NVL: variants seen among roughly 807,000 people sequenced by gnomAD.
NVL encodes nuclear VCP like, also known as nuclear valosin-containing protein-like.
In NVL, 84 loss-of-function variants were observed where a neutral mutation model predicts 110.2. That is an observed-to-expected ratio of 0.76 (90% CI 0.64 to 0.91). The LOEUF (loss-of-function observed/expected upper bound fraction) is 0.91. Among genes scored for constraint, NVL ranks in the 40% least tolerant of loss-of-function variants. The pLI is 0.00. For synonymous variants in NVL, 354 were observed against 361.1 expected, an observed-to-expected ratio of 0.98 and a Z score of 0.22; for missense variants, 882 against 1,035.9, an observed-to-expected ratio of 0.85 and a Z score of 2.04.
intron 17 of NVL, among the ~76,000 whole-genome samples, chr1:224,273,440 G>A (rs1001797053): frequency 5.3e-5 from 8 of 151,832 alleles, no homozygotes; most frequent in African/African-American, 1.9e-4. Context: ...AGAAATGTAC[G>A]GCAGTAGACA....
At chr1:224,278,335 C>G (rs1182409918) in intron 16 of NVL, among the ~76,000 whole-genome samples, 1 of 144,088 alleles carries the variant, frequency 6.9e-6, no homozygotes, top group Non-Finnish European at 1.5e-5. Flanking sequence ...TGAGTTCAAA[C>G]AATTCTCCTG....
At chr1:224,293,139 G>A (rs557389677) in intron 12 of NVL, among the ~76,000 whole-genome samples, 66 of 149,562 alleles carry the variant, frequency 4.4e-4, no homozygotes, top group African/African-American at 1.5e-3. Flanking sequence ...GCGCCATCTC[G>A]GCTCACTGCA....
chr1:224,289,565 C>T lies in NVL; in HGVS notation c.1494G>A (p.Lys498=). 2 of 1,614,246 alleles carry T rather than the reference C, an allele frequency of 1.2e-6. No individual in the cohort carries two copies. The highest frequency in any genetic ancestry group is 1.7e-6 in the Non-Finnish European group (2 of 1,180,042). The change falls in exon 13 of 23, where the codon AAG becomes AAA. Residue 498 remains lysine, a synonymous_variant. Transcript: ENST00000281701. Reference sequence around the variant, plus strand: ...GCAAATCTTCCATTTCAGGATTTTTCTTCTGCTGTTCCTGTAGCTTCATTA... The same window carrying T: ...GCAAATCTTCCATTTCAGGATTTTTTTTCTGCTGTTCCTGTAGCTTCATTA... ...RVLMKLQEQQ[K]KNPEMEDLPS...
intron 18 of NVL, among the ~76,000 whole-genome samples, chr1:224,253,731 CA>C (rs770232348): frequency 0.022 from 1,254 of 55,794 alleles, 16 homozygotes; most frequent in African/African-American, 0.076. Flanking sequence ...GGCTCGGTCT[CA>C]AAAAAAAAAA....
chr1:224,301,710 G>T, intron 9 of NVL: 2 of 342,300 alleles, frequency 5.8e-6, no homozygotes, highest in South Asian at 2.1e-5. Context: ...TGAGGCAGGA[G>T]GATCATTTGA....
At chr1:224,251,271 CAAAAAAAA>C (rs35538758) in intron 18 of NVL, among the ~76,000 whole-genome samples, 2 of 62,172 alleles carry the variant, frequency 3.2e-5, no homozygotes, top group African/African-American at 7.5e-5. Context: ...GATACTGTCT[CAAAAAAAA>C]AAAAAAAAAA....
At chr1:224,285,328 G>C (rs1571947148) in intron 15 of NVL, among the ~76,000 whole-genome samples, 1 of 152,084 alleles carries the variant, frequency 6.6e-6, no homozygotes, top group South Asian at 2.1e-4. Flanking sequence ...CCAGCTACTC[G>C]GGAGGCTGAG....
intron 19 of NVL, among the ~76,000 whole-genome samples, chr1:224,238,504 C>G (rs1417786370): frequency 6.6e-6 from 1 of 152,186 alleles, no homozygotes; most frequent in Non-Finnish European, 1.5e-5. Context: ...TGTTCAAGAA[C>G]TGCATAAATT....
intron 2 of NVL, among the ~76,000 whole-genome samples, chr1:224,325,831 G>T (rs1671091095): frequency 6.6e-6 from 1 of 152,182 alleles, no homozygotes. Context: ...CTGTCACTGA[G>T]GTTAGAGTGC....
At chr1:224,257,118 T>A (rs765329849) in intron 18 of NVL, 1 of 527,990 alleles carries the variant, frequency 1.9e-6, no homozygotes, top group South Asian at 1.4e-5. Context: ...GACAGAATTC[T>A]TAGGTAGAAG....
chr1:224,316,069 C>T (rs942711647), intron 4 of NVL, among the ~76,000 whole-genome samples: 2 of 152,006 alleles, frequency 1.3e-5, no homozygotes, highest in Non-Finnish European at 2.9e-5. Flanking sequence ...GTAGCATGCA[C>T]CCGTATGGGA....
In NVL at chr1:224,305,083, T is replaced by G; in HGVS notation, c.699A>C (p.Glu233Asp). Residue 233 changes from glutamate to aspartate, a missense_variant, in exon 7 of 23, where the codon GAA (glutamate) becomes GAC (aspartate). Transcript: ENST00000281701. ...LKNKGSKRKK[E>D]DLQEVDGEIE... ...TTTCTCCATCTACTTCCTGAAGATC[T>G]TCTTTCTTCCTTTTGCTTCCTTTAT... 6.2e-7 allele frequency: 1 copy of G among 1,613,916 alleles called. No homozygotes were observed. Among genetic ancestry groups the G allele is most frequent in the Middle Eastern group, 1.6e-4 (1 of 6,062 alleles).
intron 8 of NVL, among the ~76,000 whole-genome samples, chr1:224,304,168 T>G (rs1668684627): frequency 6.6e-6 from 1 of 152,198 alleles, no homozygotes; most frequent in African/African-American, 2.4e-5. Context: ...GGCTCACGCC[T>G]GTAATCCCAG....
chr1:224,278,935 C>T (rs1666045709), intron 16 of NVL, among the ~76,000 whole-genome samples: 1 of 151,922 alleles, frequency 6.6e-6, no homozygotes, highest in African/African-American at 2.4e-5. Context: ...ACTATGTTGC[C>T]CATGCTGGTC....
intron 16 of NVL, 36 bp from the exon 17 acceptor site, chr1:224,275,494 G>T (rs1331447597): frequency 6.2e-7 from 1 of 1,612,966 alleles, no homozygotes. Context: ...AATACCAACA[G>T]TTCAACTTTG....
intron 2 of NVL, among the ~76,000 whole-genome samples, chr1:224,325,852 C>T (rs1671093273): frequency 6.6e-6 from 1 of 152,080 alleles, no homozygotes; most frequent in East Asian, 1.9e-4. Flanking sequence ...AGTGGCGTGA[C>T]CACAGCTCAC....
At chr1:224,300,020 A>G (rs1668246600) in intron 10 of NVL, among the ~76,000 whole-genome samples, 1 of 152,220 alleles carries the variant, frequency 6.6e-6, no homozygotes, top group Non-Finnish European at 1.5e-5. Flanking sequence ...CTTACAGCTA[A>G]TATTTACAGG....
rs1254039947 is a variant in NVL at position 224,250,217 on chromosome 1, T to A, written c.2284A>T (p.Thr762Ser). 1.2e-6 allele frequency: 2 copies of A among 1,610,236 alleles called. No individual in the cohort carries two copies. The highest frequency in any genetic ancestry group is 3.4e-5 in the Admixed American group (2 of 59,242). Residue 762 changes from threonine to serine, a missense_variant, in exon 19 of 23, where the codon ACA (threonine) becomes TCA (serine). Coordinates refer to ENST00000281701, the MANE Select transcript of NVL (RefSeq NM_002533.4). ...ADRLAILKTI[T>S]KNGTKPPLDA... ...ATACCATTTCCTTTACTCACTTTTG[T>A]GATAGTTTTTAAGATGGCAAGGCGA...
intron 22 of NVL, among the ~76,000 whole-genome samples, chr1:224,229,155 G>A (rs1659571236): frequency 6.6e-6 from 1 of 151,470 alleles, no homozygotes; most frequent in South Asian, 2.1e-4. Context: ...AATTAGCCGG[G>A]TGTGGTGGCA....
Sources: gnomAD v4.1 joint callset for allele counts (sites outside exome capture counted in the v4.1 genomes callset) on GRCh38, gnomAD v4.1.1 for gene constraint, MANE v1.5 for transcripts, NCBI Gene and HGNC (gene_info 2026-07-23, HGNC 2026-07-21) for gene names.